The following BTD variants were observed in gnomAD, a reference collection of about 807,000 sequenced individuals.
The protein encoded by BTD is biocytinase.
In BTD, 13 loss-of-function variants were observed where a neutral mutation model predicts 17.7. The observed-to-expected ratio is 0.74, with a 90% CI of 0.48 to 1.17. The LOEUF is 1.17. Ranked by LOEUF, BTD falls within the 50% of genes most tolerant of loss-of-function variation. The pLI, the probability that BTD is intolerant of heterozygous loss-of-function variation, is 0.00. For synonymous variants in BTD, 240 were observed against 245.2 expected, an observed-to-expected ratio of 0.98 and a Z score of 0.20; for missense variants, 674 against 650.4, an observed-to-expected ratio of 1.04 and a Z score of -0.39.
At chr3:15,717,551 A>C (rs2073214439), downstream of BTD, among the ~76,000 whole-genome samples, 1 of 152,108 alleles carries the variant, frequency 6.6e-6, no homozygotes, top group Non-Finnish European at 1.5e-5. Flanking sequence ...AATAACAAAA[A>C]CCAAAATTTA....
rs2067005440 is a variant in BTD at position 15,677,010 on chromosome 3, C to T, written c.400-33050C>T. On this transcript the variant is annotated intron_variant, in intron 3 of 3. Coordinates refer to the BTD transcript ENST00000672141. ...TGCGTTGGTTGCATTGATGAGGTTT[C>T]TATCTGTTATCTTTTCCAGTATTAA... 6 of 1,613,210 alleles carry T rather than the reference C, an allele frequency of 3.7e-6. No homozygotes were observed. The highest frequency in any genetic ancestry group is 1.7e-4 in the Middle Eastern group (1 of 6,048).
intron 3 of BTD, among the ~76,000 whole-genome samples, chr3:15,708,617 C>T (rs2071794992): frequency 6.6e-6 from 1 of 152,050 alleles, no homozygotes; most frequent in Admixed American, 6.6e-5. Flanking sequence ...TTAATATAAA[C>T]TGGATTAAAG....
chr3:15,715,463 A>G (rs749167931), downstream of BTD, among the ~76,000 whole-genome samples: 1 of 152,254 alleles, frequency 6.6e-6, no homozygotes, highest in Non-Finnish European at 1.5e-5. Flanking sequence ...TTAGAACATC[A>G]TAAGTATCTA....
At chr3:15,702,571 AC>A (rs2070768164) in intron 3 of BTD, among the ~76,000 whole-genome samples, 1 of 152,244 alleles carries the variant, frequency 6.6e-6, no homozygotes, top group African/African-American at 2.4e-5. Flanking sequence ...CCCACTAACC[AC>A]ATAGGTTAAA....
At chr3:15,702,588 A>C (rs765766638) in intron 3 of BTD, among the ~76,000 whole-genome samples, 2 of 152,182 alleles carry the variant, frequency 1.3e-5, no homozygotes, top group African/African-American at 2.4e-5. Flanking sequence ...TTAAAATCGG[A>C]ATGCATTTCA....
In BTD at chr3:15,650,967, A is replaced by G. The variant is rs988203172; in HGVS notation, c.*5479A>G. On this transcript the variant is annotated 3_prime_UTR_variant, in exon 4 of 4. Transcript: ENST00000643237. ...TGTATTTTTATAGAGACAGGGTTTC[A>G]CCATGTTAGCCAGGATGGCCTCGAT... is the stretch of plus-strand genomic sequence containing the variant. Among the ~76,000 whole-genome samples the G allele has an allele frequency of 6.6e-6, 1 of 152,140 alleles. No individual in the cohort carries two copies. The highest frequency in any genetic ancestry group is 2.4e-5 in the African/African-American group (1 of 41,420).
intron 2 of BTD, among the ~76,000 whole-genome samples, chr3:15,641,455 A>G (rs984654998): frequency 4.6e-5 from 7 of 152,216 alleles, no homozygotes; most frequent in African/African-American, 1.7e-4. Flanking sequence ...GAAGTTCCTC[A>G]ACTGATTTAA....
exon 4 of BTD, among the ~76,000 whole-genome samples, chr3:15,711,723 G>A (rs1044502712): frequency 2.3e-4 from 35 of 151,650 alleles, no homozygotes; most frequent in Admixed American, 1.8e-3. Flanking sequence ...GTCTCGCTCT[G>A]TCTCCTAGGC....
intron 3 of BTD, among the ~76,000 whole-genome samples, chr3:15,663,318 TTTGAAA>T (rs1196380441): frequency 1.3e-5 from 2 of 152,186 alleles, no homozygotes; most frequent in East Asian, 3.8e-4. Context: ...AATCTTTGGT[TTTGAAA>T]TTGAGGTAAT....
intron 1 of BTD, among the ~76,000 whole-genome samples, chr3:15,616,751 A>G (rs1183480987): frequency 2.0e-5 from 3 of 152,176 alleles, no homozygotes; most frequent in Admixed American, 6.6e-5. Flanking sequence ...GTGACATATG[A>G]TGCTGAACAT....
At position 15,601,754 on chromosome 3, in the gene BTD, C is replaced by T. The variant is rs2064249389; in HGVS notation, c.-157C>T. On this transcript the variant is annotated 5_prime_UTR_variant, in exon 1 of 4. Transcript: ENST00000643237. ...GGGAGGCGGGACTAGCAGGAGATTG[C>T]TGCCTATGCAAAGCAGGTAAGAAGC... 2 of 1,597,938 alleles carry T rather than the reference C, an allele frequency of 1.3e-6. No individual in the cohort carries two copies. The highest frequency in any genetic ancestry group is 1.7e-6 in the Non-Finnish European group (2 of 1,171,504).
At chr3:15,621,601 C>T (rs963358136) in intron 1 of BTD, among the ~76,000 whole-genome samples, 1 of 148,964 alleles carries the variant, frequency 6.7e-6, no homozygotes, top group African/African-American at 2.5e-5. Flanking sequence ...TTATCATTTT[C>T]TTTTTTTTTT....
chr3:15,698,552 C>T (rs1440600161), intron 3 of BTD, among the ~76,000 whole-genome samples: 1 of 152,180 alleles, frequency 6.6e-6, no homozygotes, highest in Non-Finnish European at 1.5e-5. Context: ...TCTCAGGATA[C>T]AAAATCAATG....
exon 4 of BTD, among the ~76,000 whole-genome samples, chr3:15,712,742 G>A (rs2072479649): frequency 6.6e-6 from 1 of 152,172 alleles, no homozygotes; most frequent in Non-Finnish European, 1.5e-5. Flanking sequence ...TGAATATATT[G>A]TGAAATCTTT....
In BTD at chr3:15,650,778, TTG is replaced by T. The variant is rs1407222624; in HGVS notation, c.*5292_*5293del. On this transcript the variant is annotated 3_prime_UTR_variant, in exon 4 of 4. Transcript: ENST00000643237. Reference sequence around the variant, plus strand: ...TCGGCCAGAGAGCTGTGATATTCTTTTGTTTTTTTGAGATGGAGTCTTGCTCT... The same window carrying T: ...TCGGCCAGAGAGCTGTGATATTCTTTTTTTTTTGAGATGGAGTCTTGCTCT... 1.2e-4 allele frequency among the ~76,000 whole-genome samples: 19 copies of T among 152,194 alleles called. No homozygotes were observed. Among genetic ancestry groups the T allele is most frequent in the Admixed American group, 9.2e-4 (14 of 15,284 alleles).
At position 15,645,587 on chromosome 3, in the gene BTD, G is replaced by T; in HGVS notation, c.*99G>T. 7.1e-7 allele frequency: 1 copy of T among 1,410,284 alleles called. No individual in the cohort carries two copies. Among genetic ancestry groups the T allele is most frequent in the Non-Finnish European group, 9.7e-7 (1 of 1,034,034 alleles). 87.4% of individuals were successfully genotyped at this position (1,410,284 alleles called of 1,614,324 possible). ...CTGGGACCATCTTTCTGCCTTAAGGGCAGGAGCCCACTTCTGTGGCACCAG... is the reference window on the plus strand; with the variant it reads ...CTGGGACCATCTTTCTGCCTTAAGGTCAGGAGCCCACTTCTGTGGCACCAG... On this transcript the variant is annotated 3_prime_UTR_variant, in exon 4 of 4. Transcript: ENST00000643237.
At chr3:15,660,053 C>T (rs559956122) in intron 3 of BTD, among the ~76,000 whole-genome samples, 3 of 152,340 alleles carry the variant, frequency 2.0e-5, no homozygotes, top group Admixed American at 1.3e-4. Context: ...ACTCACTGGA[C>T]GCTTAGGTGT....
chr3:15,601,560 C>T (rs749765035), upstream of BTD: 1 of 1,602,238 alleles, frequency 6.2e-7, no homozygotes. Context: ...ACCTCTGGTA[C>T]TGCACCTCTG....
chr3:15,697,376 A>G (rs1374700533), intron 3 of BTD: 1 of 152,200 alleles, frequency 6.6e-6, no homozygotes, highest in Non-Finnish European at 1.5e-5. Flanking sequence ...GATACAGTGT[A>G]CATTGCTCAG....
Sources: allele counts gnomAD v4.1 joint callset (sites outside exome capture counted in the v4.1 genomes callset), GRCh38; gene constraint gnomAD v4.1.1; transcripts MANE v1.5; gene names NCBI Gene and HGNC (gene_info 2026-07-23, HGNC 2026-07-21).